Variants in FUT8 observed in about 807,000 individuals in gnomAD.
The protein encoded by FUT8 is alpha-(1,6)-fucosyltransferase.
Under a neutral mutation model 71.3 loss-of-function variants are expected in FUT8, and 29 were observed. The ratio of observed to expected loss-of-function variants is 0.41; its 90% CI spans 0.30 to 0.55. FUT8 has a LOEUF of 0.55. Ranked by LOEUF, FUT8 falls within the 20% of genes least tolerant of loss-of-function variation. The pLI is 0.34. For synonymous variants in FUT8, 254 were observed against 239.3 expected (o/e 1.06, Z -0.57); for missense variants, 544 against 702.1 (o/e 0.77, Z 2.55).
At chr14:65,450,434 C>T (rs904207692) in intron 1 of FUT8, among the ~76,000 whole-genome samples, 1 of 152,134 alleles carries the variant, frequency 6.6e-6, no homozygotes, top group Non-Finnish European at 1.5e-5. Context: ...TACTTCTCTT[C>T]CTTTATTATG....
intron 2 of FUT8, among the ~76,000 whole-genome samples, chr14:65,521,710 T>G (rs1883091893): frequency 6.6e-6 from 1 of 152,230 alleles, no homozygotes; most frequent in Non-Finnish European, 1.5e-5. Context: ...AAATACATTT[T>G]TTTGGTTTCA....
chr14:65,500,817 G>C (rs1350597063), intron 2 of FUT8, among the ~76,000 whole-genome samples: 1 of 152,120 alleles, frequency 6.6e-6, no homozygotes, highest in African/African-American at 2.4e-5. Flanking sequence ...GTTTTCATTA[G>C]CGTTGAAAAC....
chr14:65,373,255 TA>T, the FUT8 span, among the ~76,000 whole-genome samples: 1 of 151,626 alleles, frequency 6.6e-6, no homozygotes, highest in Non-Finnish European at 1.5e-5. Flanking sequence ...CCTGCAGCCG[TA>T]AATGACAACA....
intron 10 of FUT8, among the ~76,000 whole-genome samples, chr14:65,738,944 G>A (rs924524314): frequency 2.2e-4 from 34 of 152,160 alleles, no homozygotes; most frequent in African/African-American, 8.2e-4. Context: ...CTTTGTGGCA[G>A]GCATTGTTCT....
At chr14:65,369,677 C>T in the FUT8 span, among the ~76,000 whole-genome samples, 6 of 152,184 alleles carry the variant, frequency 3.9e-5, no homozygotes, top group African/African-American at 1.4e-4. This position sits in a 1 kb window ranked among gnomAD's most constrained non-coding sequence, Gnocchi z 4.6. Flanking sequence ...AGAGCTATGA[C>T]AGCTTATAAA....
intron 1 of FUT8, among the ~76,000 whole-genome samples, chr14:65,434,491 T>C (rs1241272822): frequency 1.3e-5 from 2 of 152,294 alleles, no homozygotes; most frequent in East Asian, 3.9e-4. Context: ...GGATAGATGT[T>C]GTTAACCAGA....
rs73284161 is a variant in FUT8, at chr14:65,511,424, A to G, written c.-227-49913A>G. 9.4e-3 allele frequency among the ~76,000 whole-genome samples: 1,432 copies of G among 152,076 alleles called. 22 individuals are homozygous for G. Among genetic ancestry groups the G allele is most frequent in the African/African-American group, 0.033 (1,364 of 41,500 alleles). The stretch of plus-strand genomic sequence containing the variant: ...GAAATATTCTTTAAATATCTATTAG[A>G]TCCGTTTGGTCTATTTCTTTGTTGA... On this transcript the variant is annotated intron_variant, in intron 2 of 10. Transcript: ENST00000673929.
chr14:65,441,545 A>C (rs2065654807), intron 1 of FUT8, among the ~76,000 whole-genome samples: 1 of 151,974 alleles, frequency 6.6e-6, no homozygotes, highest in African/African-American at 2.4e-5. Context: ...GTTCAAGACC[A>C]GCCTGGCCAC....
chr14:65,728,140 C>G (rs1022194930), intron 9 of FUT8, among the ~76,000 whole-genome samples: 1 of 152,222 alleles, frequency 6.6e-6, no homozygotes, highest in African/African-American at 2.4e-5. Context: ...CTGTCTTCTT[C>G]TGAGCCCTCC....
chr14:65,546,428 T>A (rs980845819), intron 2 of FUT8, among the ~76,000 whole-genome samples: 9 of 151,572 alleles, frequency 5.9e-5, no homozygotes, highest in African/African-American at 2.2e-4. Flanking sequence ...ACAGTGTGTA[T>A]TTTTTTTGTC....
At chr14:65,544,656 A>T (rs1884880334) in intron 2 of FUT8, among the ~76,000 whole-genome samples, 2 of 152,102 alleles carry the variant, frequency 1.3e-5, no homozygotes, top group Non-Finnish European at 2.9e-5. Flanking sequence ...GGTGAGTGAG[A>T]TATTCTTGAT....
At chr14:65,553,747 A>G (rs1390527409) in intron 2 of FUT8, among the ~76,000 whole-genome samples, 1 of 149,448 alleles carries the variant, frequency 6.7e-6, no homozygotes, top group East Asian at 2.0e-4. Context: ...ATGATGCTCC[A>G]TTGTTTTTTG....
rs34129010 is a variant in FUT8 at position 65,595,602 on chromosome 14, CTTTTTT to C, written c.204-20357_204-20352del. 1.5e-4 allele frequency among the ~76,000 whole-genome samples: 12 copies of C among 81,728 alleles called. No individual in the cohort carries two copies. The Admixed American group carries it at 2.1e-3, about 14-fold the overall frequency. The allele number at this position is 81,728 out of a possible 152,430, so 53.6% of individuals were successfully genotyped here. ...GACGATTTATCTTCTACACCATTCT[CTTTTTT>C]TTTTTTTTTTTTTTTTTTGAGACGG... On this transcript the variant is annotated intron_variant, in intron 3 of 10. Coordinates refer to ENST00000673929, the MANE Select transcript of FUT8 (RefSeq NM_001371533.1).
chr14:65,659,150 G>A (rs1269458453), intron 6 of FUT8, among the ~76,000 whole-genome samples: 1 of 151,776 alleles, frequency 6.6e-6, no homozygotes, highest in Non-Finnish European at 1.5e-5. Flanking sequence ...TCATTGAGGT[G>A]GTTTGAGAAA....
chr14:65,471,885 T>C (rs972916666), intron 2 of FUT8, among the ~76,000 whole-genome samples: 1 of 152,184 alleles, frequency 6.6e-6, no homozygotes, highest in African/African-American at 2.4e-5. Flanking sequence ...ACAGTATCCT[T>C]TATCTCATTT....
rs17246441 is a variant in FUT8, at chr14:65,736,498, C to G, written c.1410+3117C>G. Among the ~76,000 whole-genome samples the G allele has an allele frequency of 5.7e-3, 859 of 151,858 alleles. 28 individuals carry two copies. In the East Asian group the frequency reaches 0.091, roughly 16 times the overall value. On this transcript the variant is annotated intron_variant, in intron 10 of 10. Transcript: ENST00000673929. ...TTAACATTCAGCATGTACAATTTCTCTGGGCCAATGTACCACCTCAACTTC... is the reference window on the plus strand; with the variant it reads ...TTAACATTCAGCATGTACAATTTCTGTGGGCCAATGTACCACCTCAACTTC...
chr14:65,512,198 C>T (rs181029737), intron 2 of FUT8, among the ~76,000 whole-genome samples: 11 of 152,266 alleles, frequency 7.2e-5, no homozygotes, highest in East Asian at 3.9e-4. Context: ...GAGTCTTGCT[C>T]GGTTGCCCAG....
the FUT8 span, among the ~76,000 whole-genome samples, chr14:65,383,265 C>CTTTTTTTTTTTTTTT: frequency 1.2e-5 from 1 of 86,514 alleles, no homozygotes; most frequent in South Asian, 4.5e-4. Flanking sequence ...TTTTTCTTTT[C>CTTTTTTTTTTTTTTT]TTTTTTTTTT....
intron 3 of FUT8, among the ~76,000 whole-genome samples, chr14:65,609,414 T>C (rs1428892456): frequency 6.6e-6 from 1 of 151,954 alleles, no homozygotes; most frequent in Non-Finnish European, 1.5e-5. Context: ...TTTTTTCTTT[T>C]GTGGATCACA....
Sources: gnomAD v4.1 joint callset for allele counts (sites outside exome capture counted in the v4.1 genomes callset) on GRCh38, gnomAD v4.1.1 for gene constraint, Gnocchi (gnomAD v3.1) non-coding constraint, MANE v1.5 for transcripts, NCBI Gene and HGNC (gene_info 2026-07-23, HGNC 2026-07-21) for gene names.